Variants in IL1RAPL1 observed in about 807,000 individuals in gnomAD.
IL1RAPL1 encodes interleukin-1 receptor accessory protein-like 1.
Under a neutral mutation model 48.4 loss-of-function variants are expected in IL1RAPL1, and 3 were observed. The observed-to-expected ratio is 0.06, with a 90% confidence interval of 0.03 to 0.16. The LOEUF is 0.16. IL1RAPL1 is among the 10% of genes least tolerant of loss of function. The pLI, the probability that IL1RAPL1 is intolerant of heterozygous loss-of-function variation, is 1.00. For synonymous variants in IL1RAPL1, 185 were observed against 187.7 expected (o/e 0.99, Z 0.12); for missense variants, 349 against 530.6 (o/e 0.66, Z 3.36).
chrX:28,993,444 TCGATCCAAG>T (rs1438032621), intron 2 of IL1RAPL1, among the ~76,000 whole-genome samples: 9 of 111,513 alleles, frequency 8.1e-5, no homozygotes, highest in African/African-American at 2.6e-4. Context: ...TGTGAACAAG[TCGATCCAAG>T]ATAATATAAT....
At chrX:28,779,226 C>T (rs942226080) in intron 1 of IL1RAPL1, among the ~76,000 whole-genome samples, 50 of 110,913 alleles carry the variant, frequency 4.5e-4, no homozygotes, top group Non-Finnish European at 7.9e-4. Flanking sequence ...AGGGATGATT[C>T]CATTGTTTTT....
chrX:29,685,100 C>T (rs184763921), intron 6 of IL1RAPL1, among the ~76,000 whole-genome samples: 69 of 112,443 alleles, frequency 6.1e-4, no homozygotes, highest in African/African-American at 2.2e-3. Context: ...TTTAGAAAAC[C>T]TGTAACAACT....
intron 2 of IL1RAPL1, among the ~76,000 whole-genome samples, chrX:29,178,051 C>T (rs757558961): frequency 4.5e-5 from 5 of 111,718 alleles, no homozygotes; most frequent in South Asian, 3.7e-4. Flanking sequence ...TTGTAATAAA[C>T]GTACGTGTGC....
intron 6 of IL1RAPL1, among the ~76,000 whole-genome samples, chrX:29,779,971 G>A (rs1039294644): frequency 9.0e-6 from 1 of 110,867 alleles, no homozygotes; most frequent in Admixed American, 9.6e-5. Context: ...TTGATTTGAC[G>A]ACTAAGTAAA....
At chrX:29,222,316 T>C (rs777801195) in intron 2 of IL1RAPL1, among the ~76,000 whole-genome samples, 1 of 111,964 alleles carries the variant, frequency 8.9e-6, no homozygotes, top group Admixed American at 9.5e-5. Context: ...CTATAAATAT[T>C]GGCAATTTCA....
chrX:28,662,062 C>T (rs908639524), intron 1 of IL1RAPL1, among the ~76,000 whole-genome samples: 9 of 111,139 alleles, frequency 8.1e-5, no homozygotes, highest in Admixed American at 1.9e-4. Context: ...TTCTTTGCTC[C>T]TTCAGGTGTT....
At chrX:28,937,562 G>C (rs963802313) in intron 2 of IL1RAPL1, among the ~76,000 whole-genome samples, 3 of 111,489 alleles carry the variant, frequency 2.7e-5, no homozygotes, top group Non-Finnish European at 5.7e-5. Flanking sequence ...ATGTCTACAT[G>C]CTGTCCTATA....
intron 1 of IL1RAPL1, among the ~76,000 whole-genome samples, chrX:28,617,182 A>G (rs1219041192): frequency 2.7e-5 from 3 of 111,914 alleles, no homozygotes; most frequent in Non-Finnish European, 5.6e-5. Context: ...TAACATCCTT[A>G]GGTGCTACAA....
intron 6 of IL1RAPL1, among the ~76,000 whole-genome samples, chrX:29,796,123 C>T (rs1397249029): frequency 3.6e-5 from 4 of 111,645 alleles, no homozygotes; most frequent in East Asian, 5.6e-4. Context: ...CTCATATTCC[C>T]GAATAAACTG....
intron 1 of IL1RAPL1, among the ~76,000 whole-genome samples, chrX:28,602,424 C>T (rs1320792750): frequency 8.9e-6 from 1 of 112,041 alleles, no homozygotes; most frequent in African/African-American, 3.2e-5. Flanking sequence ...TTTTACTCTG[C>T]CACACAATGC....
rs1936965289 is a variant in IL1RAPL1, at chrX:28,823,983, TG to T, written c.82+34560del. On this transcript the variant is annotated intron_variant, in intron 2 of 10. Transcript: ENST00000378993. ...CCTAGTCTACTTAGATTGCCACCAT[TG>T]GATCTCAGTTGCATTTTATTTTTCA... is the stretch of plus-strand genomic sequence containing the variant. Among the ~76,000 whole-genome samples, 7 of 111,952 alleles carry T rather than the reference TG, an allele frequency of 6.3e-5. No individual in the cohort carries two copies. In the South Asian group the frequency reaches 2.6e-3, roughly 41 times the overall value.
At chrX:29,110,889 A>G (rs1227941906) in intron 2 of IL1RAPL1, among the ~76,000 whole-genome samples, 1 of 111,072 alleles carries the variant, frequency 9.0e-6, no homozygotes, top group East Asian at 2.8e-4. Context: ...ATTGGATTGT[A>G]TTTCTTCTGA....
intron 5 of IL1RAPL1, among the ~76,000 whole-genome samples, chrX:29,619,617 T>C (rs187790577): frequency 1.5e-4 from 17 of 111,861 alleles, no homozygotes; most frequent in Non-Finnish European, 2.8e-4. Flanking sequence ...TGTGTTTCTG[T>C]GCATTATATA....
chrX:28,715,044 G>T (rs1288374152), intron 1 of IL1RAPL1, among the ~76,000 whole-genome samples: 1 of 112,007 alleles, frequency 8.9e-6, no homozygotes, highest in African/African-American at 3.2e-5. Flanking sequence ...GGACCAAATG[G>T]ATCTGATAGA....
At chrX:29,925,614 C>A (rs1275702617) in intron 8 of IL1RAPL1, among the ~76,000 whole-genome samples, 1 of 105,792 alleles carries the variant, frequency 9.5e-6, no homozygotes, top group African/African-American at 3.5e-5. Context: ...CATGGCTCAC[C>A]GCAACCTCGA....
At chrX:29,676,338 C>T (rs1463153394) in intron 6 of IL1RAPL1, among the ~76,000 whole-genome samples, 1 of 111,995 alleles carries the variant, frequency 8.9e-6, no homozygotes, top group Non-Finnish European at 1.9e-5. Flanking sequence ...TCTTGAAATG[C>T]ATTTTGAATG....
At chrX:29,918,344 G>GAAA in intron 7 of IL1RAPL1, among the ~76,000 whole-genome samples, 1 of 93,869 alleles carries the variant, frequency 1.1e-5, no homozygotes, top group African/African-American at 3.9e-5. Flanking sequence ...CGTCTCTACT[G>GAAA]AAAATACAAA....
intron 1 of IL1RAPL1, among the ~76,000 whole-genome samples, chrX:28,605,471 T>C (rs145709257): frequency 5.8e-4 from 65 of 111,512 alleles, no homozygotes; most frequent in Non-Finnish European, 8.9e-4. Flanking sequence ...GGTACTATCT[T>C]TACCCAGATC....
chrX:29,829,543 C>T (rs1160887185), intron 6 of IL1RAPL1, among the ~76,000 whole-genome samples: 1 of 111,268 alleles, frequency 9.0e-6, no homozygotes, highest in Non-Finnish European at 1.9e-5. Context: ...CTATCCATAA[C>T]AGCTTAATAC....
Sources: allele counts gnomAD v4.1 joint callset (sites outside exome capture counted in the v4.1 genomes callset), GRCh38; gene constraint gnomAD v4.1.1; transcripts MANE v1.5; gene names NCBI Gene and HGNC (gene_info 2026-07-23, HGNC 2026-07-21).